Variants in FRMPD4 observed in about 807,000 individuals in gnomAD.
FRMPD4 encodes the protein FERM and PDZ domain containing 4.
In FRMPD4, 22 loss-of-function variants were observed where a neutral mutation model predicts 94.1. The ratio of observed to expected loss-of-function variants is 0.23; its 90% CI spans 0.17 to 0.33. FRMPD4 has a LOEUF of 0.33. Among genes scored for constraint, FRMPD4 ranks in the 10% least tolerant of loss-of-function variants. The pLI is 1.00. For missense variants in FRMPD4, 1,111 were observed against 1,339.9 expected (o/e 0.83, Z 2.67); for synonymous variants, 631 against 548.6 (o/e 1.15, Z -2.10).
At chrX:11,955,787 G>C (rs1033705144) in intron 3 of FRMPD4, among the ~76,000 whole-genome samples, 19 of 108,943 alleles carry the variant, frequency 1.7e-4, no homozygotes, top group Non-Finnish European at 3.4e-4. Flanking sequence ...GCCAGACATA[G>C]GCAGTTTATC....
chrX:12,663,555 A>G (rs2059741162), intron 4 of FRMPD4, among the ~76,000 whole-genome samples: 2 of 111,644 alleles, frequency 1.8e-5, no homozygotes, highest in Admixed American at 9.5e-5. Context: ...TGGTCTATAT[A>G]TCCGTTTTGG....
chrX:12,360,477 A>G (rs1470830945), intron 1 of FRMPD4, among the ~76,000 whole-genome samples: 2 of 111,633 alleles, frequency 1.8e-5, no homozygotes, highest in African/African-American at 6.5e-5. Flanking sequence ...AAAACTAAAC[A>G]TGTAGGGGGA....
chrX:12,230,518 C>T (rs1171771482), intron 1 of FRMPD4, among the ~76,000 whole-genome samples: 1 of 110,336 alleles, frequency 9.1e-6, no homozygotes, highest in Admixed American at 9.8e-5. Flanking sequence ...CATCGCCCAC[C>T]CATTGTATGT....
At chrX:12,515,049 G>T (rs1002835675) in intron 2 of FRMPD4, among the ~76,000 whole-genome samples, 2 of 111,480 alleles carry the variant, frequency 1.8e-5, no homozygotes, top group Non-Finnish European at 3.8e-5. Context: ...TATTTTTGTG[G>T]GGTCAGTGGT....
intron 1 of FRMPD4, chrX:12,494,897 G>GC (rs764750683): frequency 2.0e-4 from 34 of 166,664 alleles, no homozygotes; most frequent in African/African-American, 1.0e-3. Flanking sequence ...AAATAGCCCT[G>GC]CCAATGTAGG....
intron 1 of FRMPD4, among the ~76,000 whole-genome samples, chrX:12,387,528 G>A (rs774126112): frequency 8.9e-6 from 1 of 111,918 alleles, no homozygotes; most frequent in East Asian, 2.8e-4. Flanking sequence ...TGTCACGATT[G>A]AAGAGAGAGG....
At chrX:11,832,090 C>G (rs2053478111) in intron 1 of FRMPD4, among the ~76,000 whole-genome samples, 1 of 111,571 alleles carries the variant, frequency 9.0e-6, no homozygotes, top group Admixed American at 9.5e-5. Context: ...CTGTTTTTGT[C>G]CTCCAGGAAC....
At chrX:12,514,104 A>T (rs2058071706) in intron 2 of FRMPD4, among the ~76,000 whole-genome samples, 1 of 111,886 alleles carries the variant, frequency 8.9e-6, no homozygotes, top group Non-Finnish European at 1.9e-5. Context: ...TTATCAGCTT[A>T]AGAAGCTTTG....
At chrX:12,463,024 A>G (rs1307996566) in intron 1 of FRMPD4, among the ~76,000 whole-genome samples, 1 of 112,238 alleles carries the variant, frequency 8.9e-6, no homozygotes, top group Non-Finnish European at 1.9e-5. Flanking sequence ...ATATCTAACA[A>G]TCATCAATGG....
chrX:11,854,867 G>A (rs748576845), intron 1 of FRMPD4, among the ~76,000 whole-genome samples: 1 of 111,694 alleles, frequency 9.0e-6, no homozygotes, highest in Admixed American at 9.4e-5. Context: ...TCTACAGGAC[G>A]ATGGCCTTCT....
rs58794898 is a variant in FRMPD4 at position 12,305,725 on chromosome X, G to GTTTTTTTTTTTTTTTTTTTTTT, written c.41+166714_41+166735dup. Among the ~76,000 whole-genome samples the GTTTTTTTTTTTTTTTTTTTTTT allele has an allele frequency of 1.3e-4, 8 of 59,699 alleles. 1 individual carries two copies. The highest frequency in any genetic ancestry group is 5.3e-4 in the African/African-American group (7 of 13,236). The allele number at this position is 59,699 out of a possible 115,157, so 51.8% of individuals were successfully genotyped here. On this transcript the variant is annotated intron_variant, in intron 1 of 16. Coordinates refer to ENST00000675598, the MANE Select transcript of FRMPD4 (RefSeq NM_001368397.1). ...GGCATGTACCACCACAGCTGGCTAA[G>GTTTTTTTTTTTTTTTTTTTTTT]TTTTTTTTTTTTTTTTTTTTTTACA...
intron 1 of FRMPD4, among the ~76,000 whole-genome samples, chrX:12,253,266 A>G (rs898352538): frequency 3.1e-4 from 35 of 112,485 alleles, no homozygotes; most frequent in Non-Finnish European, 3.8e-5. Context: ...AGCTGGAAAC[A>G]GCGAGTGAGT....
chrX:11,860,970 C>G (rs1337235030), intron 1 of FRMPD4, among the ~76,000 whole-genome samples: 75 of 111,422 alleles, frequency 6.7e-4, no homozygotes, highest in Admixed American at 6.7e-3. Context: ...TCCTTTTAAT[C>G]GAGACTCTTG....
chrX:12,236,369 T>C (rs2057070734), intron 1 of FRMPD4, among the ~76,000 whole-genome samples: 1 of 111,235 alleles, frequency 9.0e-6, no homozygotes, highest in Non-Finnish European at 1.9e-5. Flanking sequence ...CTACTATATG[T>C]CAGTTACTGT....
At chrX:12,570,870 G>A (rs1206822389) in intron 2 of FRMPD4, among the ~76,000 whole-genome samples, 1 of 111,405 alleles carries the variant, frequency 9.0e-6, no homozygotes, top group Non-Finnish European at 1.9e-5. Context: ...GAAACATTGT[G>A]AGATATCATC....
intron 3 of FRMPD4, among the ~76,000 whole-genome samples, chrX:12,002,490 C>A (rs183559829): frequency 8.9e-6 from 1 of 112,108 alleles, no homozygotes; most frequent in Admixed American, 9.4e-5. Flanking sequence ...TGTTAGAAGT[C>A]AAAGGTGACC....
intron 3 of FRMPD4, among the ~76,000 whole-genome samples, chrX:11,950,212 A>G (rs1387694277): frequency 8.9e-6 from 1 of 111,931 alleles, no homozygotes; most frequent in Non-Finnish European, 1.9e-5. Flanking sequence ...CACCCTGTGA[A>G]GAAGGTGCCT....
chrX:12,555,739 C>G (rs1328536196), intron 2 of FRMPD4, among the ~76,000 whole-genome samples: 1 of 111,934 alleles, frequency 8.9e-6, no homozygotes, highest in Admixed American at 9.5e-5. Flanking sequence ...CAGTAAGATT[C>G]TGGCATCCTA....
intron 14 of FRMPD4, among the ~76,000 whole-genome samples, chrX:12,711,751 TC>T (rs1406267130): frequency 1.8e-5 from 2 of 108,557 alleles, no homozygotes; most frequent in Non-Finnish European, 3.8e-5. Flanking sequence ...TTCTCTCCCT[TC>T]CCCCCAACCC....
Sources: gnomAD v4.1 joint callset for allele counts (sites outside exome capture counted in the v4.1 genomes callset) on GRCh38, gnomAD v4.1.1 for gene constraint, MANE v1.5 for transcripts, NCBI Gene and HGNC (gene_info 2026-07-23, HGNC 2026-07-21) for gene names.